Variants in LRPPRC observed in about 807,000 individuals in gnomAD.
LRPPRC encodes the protein leucine rich pentatricopeptide repeat containing.
Under a neutral mutation model 180.3 loss-of-function variants are expected in LRPPRC, and 120 were observed. The ratio of observed to expected loss-of-function variants is 0.67; its 90% confidence interval spans 0.57 to 0.77. LRPPRC has a LOEUF of 0.77. Among genes scored for constraint, LRPPRC ranks in the 30% least tolerant of loss-of-function variants. The probability of loss-of-function intolerance (pLI) is 0.00; values close to 1 mark genes in which losing one functional copy is unlikely to be tolerated. For missense variants in LRPPRC, 2,012 were observed against 1,657.2 expected (o/e 1.21, Z -3.72); for synonymous variants, 723 against 600.0 (o/e 1.21, Z -3.00).
chr2:43,907,967 G>A (rs1671120353), intron 30 of LRPPRC, among the ~76,000 whole-genome samples: 1 of 152,190 alleles, frequency 6.6e-6, no homozygotes, highest in African/African-American at 2.4e-5. Flanking sequence ...ATATAGGCAT[G>A]AGAAGTGAGC....
intron 2 of LRPPRC, among the ~76,000 whole-genome samples, chr2:43,981,638 C>T (rs977734835): frequency 9.3e-5 from 14 of 151,108 alleles, no homozygotes; most frequent in African/African-American, 2.7e-4. Flanking sequence ...GCCTGCTGGG[C>T]GACAGAGCGA....
intron 27 of LRPPRC, among the ~76,000 whole-genome samples, chr2:43,924,456 T>C (rs1671806082): frequency 6.6e-6 from 1 of 152,210 alleles, no homozygotes; most frequent in South Asian, 2.1e-4. Flanking sequence ...TAACGTAGTG[T>C]TGTTTTAGAA....
intron 11 of LRPPRC, among the ~76,000 whole-genome samples, chr2:43,967,694 A>AAAT (rs150288608): frequency 8.5e-5 from 13 of 152,248 alleles, no homozygotes; most frequent in Non-Finnish European, 1.3e-4. Flanking sequence ...ACTCGGTCTC[A>AAAT]AATAATAATA....
chr2:43,910,176 G>C lies in LRPPRC; in HGVS notation c.3275+2256C>G, dbSNP rs139444237. ...CTACTCTAGACCAGTGGTCTTCAATGAGCAGCATGCACACTGCATGAACAC... is the reference window on the plus strand; with the variant it reads ...CTACTCTAGACCAGTGGTCTTCAATCAGCAGCATGCACACTGCATGAACAC... On this transcript the variant is annotated intron_variant, in intron 30 of 37. Coordinates refer to ENST00000260665, the MANE Select transcript of LRPPRC (RefSeq NM_133259.4). Among the ~76,000 whole-genome samples the C allele has an allele frequency of 2.2e-3, 342 of 152,078 alleles. 2 individuals are homozygous for C. The highest frequency in any genetic ancestry group is 7.7e-3 in the African/African-American group (321 of 41,462).
chr2:43,918,680 C>G (rs1244170638), intron 27 of LRPPRC, among the ~76,000 whole-genome samples: 1 of 151,446 alleles, frequency 6.6e-6, no homozygotes, highest in Non-Finnish European at 1.5e-5. Flanking sequence ...AGAAGTTTGT[C>G]TTTTTAATGT....
Position 43,982,355 on chromosome 2 carries a change from T to C in LRPPRC, c.229A>G (p.Arg77Gly). The change falls in exon 2 of 38, where the codon AGG (arginine) becomes GGG (glycine). Residue 77 changes from arginine (R) to glycine (G), a missense_variant. Physicochemically the swap from Arg to Gly is moderately radical, Grantham distance 125 (BLOSUM62 -2). Coordinates refer to ENST00000260665, the MANE Select transcript of LRPPRC (RefSeq NM_133259.4). ...CAATCAAACTGATTGGAAATCTTCC[T>C]AGAAGAAAAAGTGGACTCCTCTTGA... ...DIQEESTFSS[R>G]KISNQFDWAL... 6.2e-7 allele frequency: 1 copy of C among 1,613,914 alleles called. No individual in the cohort carries two copies. Among genetic ancestry groups the C allele is most frequent in the Non-Finnish European group, 8.5e-7 (1 of 1,179,810 alleles).
In LRPPRC at chr2:43,961,327, G is replaced by A. The variant is rs557260045; in HGVS notation, c.1489-693C>T. 3.3e-4 allele frequency among the ~76,000 whole-genome samples: 51 copies of A among 152,278 alleles called. No individual in the cohort carries two copies. In the South Asian group the frequency reaches 0.01, roughly 30 times the overall value. ...AGAGACTTTTAGGGGGAGTTTGAAA[G>A]TAATGAAGGCAAAAAGAAGTAAGTT... On this transcript the variant is annotated intron_variant, in intron 12 of 37. Coordinates refer to ENST00000260665, the MANE Select transcript of LRPPRC (RefSeq NM_133259.4).
chr2:43,938,207 C>T (rs542927807), intron 23 of LRPPRC, among the ~76,000 whole-genome samples: 3 of 151,740 alleles, frequency 2.0e-5, no homozygotes, highest in Admixed American at 6.6e-5. Context: ...ATCAAGACAC[C>T]CCCCTCAAAA....
chr2:43,918,812 T>TATATATATATCTATATATAG (rs1671583003), intron 27 of LRPPRC, among the ~76,000 whole-genome samples: 1 of 143,314 alleles, frequency 7.0e-6, no homozygotes, highest in Non-Finnish European at 1.5e-5. Context: ...TATATATAGA[T>TATATATATATCTATATATAG]ATATATATAT....
At position 43,915,694 on chromosome 2, in the gene LRPPRC, A is replaced by G. The variant is rs1203038110; in HGVS notation, c.3148+2331T>C. Among the ~76,000 whole-genome samples the G allele has an allele frequency of 2.0e-5, 3 of 152,352 alleles. No homozygotes were observed. The East Asian group carries it at 5.8e-4, about 29-fold the overall frequency. ...ACTCCTTCTCAAAAGAAAATGACTC[A>G]GAATGAATAAAAAGTTATACTATAG... On this transcript the variant is annotated intron_variant, in intron 29 of 37. Transcript: ENST00000260665.
intron 14 of LRPPRC, among the ~76,000 whole-genome samples, chr2:43,953,579 C>T (rs1031119407): frequency 3.9e-5 from 6 of 151,994 alleles, no homozygotes; most frequent in African/African-American, 1.4e-4. Context: ...TAGTTTTAAA[C>T]CCAGGAATCA....
At chr2:43,939,860 T>C (rs184241592) in intron 23 of LRPPRC, among the ~76,000 whole-genome samples, 14 of 152,306 alleles carry the variant, frequency 9.2e-5, no homozygotes, top group Middle Eastern at 3.4e-3. Context: ...TTCCAGCCAA[T>C]TGAGTCTAAA....
rs1249656816 is a variant in LRPPRC at position 43,960,423 on chromosome 2, CTGGCT to C, written c.1582+113_1582+117del. ...TCAACTCATAAACCGTTTTATCAGT[CTGGCT>C]TTAACAAAACATATAAACCTTCCTT... On this transcript the variant is annotated intron_variant, in intron 13 of 37. Coordinates refer to ENST00000260665, the MANE Select transcript of LRPPRC (RefSeq NM_133259.4). The C allele has an allele frequency of 5.5e-6, 4 of 723,508 alleles. No individual in the cohort carries two copies. In the African/African-American group the frequency reaches 6.9e-5, roughly 12 times the overall value. 44.8% of individuals were successfully genotyped at this position (723,508 alleles called of 1,614,324 possible). A position where few individuals can be genotyped will look rare whatever the true frequency, so the allele number is the denominator to read the frequency against.
chr2:43,968,367 C>G (rs1673651277), intron 11 of LRPPRC, among the ~76,000 whole-genome samples: 1 of 152,204 alleles, frequency 6.6e-6, no homozygotes, highest in Non-Finnish European at 1.5e-5. Context: ...CTATAAGAGT[C>G]TATGCCTATT....
rs980690552 is a variant in LRPPRC at position 43,911,795 on chromosome 2, G to A, written c.3275+637C>T. ...ACCCACCTCAGCCTCCCAAACTTGT[G>A]GGATTACGGGCATGAGCCACCGCGC... On this transcript the variant is annotated intron_variant, in intron 30 of 37. Coordinates refer to ENST00000260665, the MANE Select transcript of LRPPRC (RefSeq NM_133259.4). Among the ~76,000 whole-genome samples the A allele has an allele frequency of 1.3e-4, 20 of 151,768 alleles. 1 individual carries two copies. Among genetic ancestry groups the A allele is most frequent in the African/African-American group, 4.8e-4 (20 of 41,306 alleles).
chr2:43,908,173 T>C (rs952689258), intron 30 of LRPPRC, among the ~76,000 whole-genome samples: 4 of 152,154 alleles, frequency 2.6e-5, no homozygotes, highest in Admixed American at 6.5e-5. Context: ...AAAGATAAAG[T>C]AGGGTTGTTG....
intron 3 of LRPPRC, 82 bp from the exon 4 acceptor site, chr2:43,977,358 A>T (rs1674103186): frequency 1.8e-6 from 2 of 1,096,562 alleles, no homozygotes; most frequent in African/African-American, 3.1e-5. Flanking sequence ...TAACAAACAA[A>T]AAGAGTAAAA....
rs376269088 is a variant in LRPPRC at position 43,888,663 on chromosome 2, A to C, written c.4129-7T>G. 8 of 1,566,710 alleles carry C rather than the reference A, an allele frequency of 5.1e-6. No individual in the cohort carries two copies. The highest frequency in any genetic ancestry group is 7.0e-6 in the Non-Finnish European group (8 of 1,137,408). On this transcript the variant is annotated splice_region_variant and splice_polypyrimidine_tract_variant and intron_variant, in intron 37 of 37. Coordinates refer to ENST00000260665, the MANE Select transcript of LRPPRC (RefSeq NM_133259.4). ...CATAAAATTCAAAGCTTTCCTGTTA[A>C]GGAGAAAAAAAGAGGGAAGTTAGAG...
chr2:43,958,405 C>T (rs1673208404), intron 13 of LRPPRC, among the ~76,000 whole-genome samples: 1 of 152,098 alleles, frequency 6.6e-6, no homozygotes, highest in Non-Finnish European at 1.5e-5. Context: ...AGAAAAATCC[C>T]ATGGGAAAAG....
Sources: gnomAD v4.1 joint callset for allele counts (sites outside exome capture counted in the v4.1 genomes callset) on GRCh38, gnomAD v4.1.1 for gene constraint, MANE v1.5 for transcripts, NCBI Gene and HGNC (gene_info 2026-07-23, HGNC 2026-07-21) for gene names.